The following NDST1 variants were observed in gnomAD, a reference collection of about 807,000 sequenced individuals.
The protein encoded by NDST1 is bifunctional heparan sulfate N-deacetylase/N-sulfotransferase 1.
In NDST1, 35 loss-of-function variants were observed where a neutral mutation model predicts 92.8. That is an observed-to-expected ratio of 0.38 (90% CI 0.29 to 0.50). The LOEUF (loss-of-function observed/expected upper bound fraction) is 0.50. NDST1 is among the 20% of genes least tolerant of loss of function. NDST1 has a pLI of 0.94. For missense variants in NDST1, 822 were observed against 1,182.7 expected (o/e 0.69, Z 4.47); for synonymous variants, 493 against 500.3 (o/e 0.99, Z 0.19).
At chr5:150,520,553 T>C (rs1258523790) in intron 1 of NDST1, among the ~76,000 whole-genome samples, 1 of 152,214 alleles carries the variant, frequency 6.6e-6, no homozygotes, top group Non-Finnish European at 1.5e-5. Flanking sequence ...TCTTGGACTC[T>C]GATAATGATC....
Position 150,535,810 on chromosome 5 carries a change from C to T in NDST1, c.1362C>T (p.Arg454=), listed in dbSNP as rs146104541. ...YEAWKQVWSI[R]VTSTEEYPHL... ...CTTGGAAGCAGGTGTGGAGCATCCG[C>T]GTGACCAGCACGGAGGAGTACCCCC... Residue 454 remains arginine (R), a synonymous_variant, in exon 6 of 15, where the codon CGC becomes CGT. Coordinates refer to ENST00000261797, the MANE Select transcript of NDST1 (RefSeq NM_001543.5). 56 of 1,614,170 alleles carry T rather than the reference C, an allele frequency of 3.5e-5. No homozygotes were observed. Among genetic ancestry groups the T allele is most frequent in the Non-Finnish European group, 4.5e-5 (53 of 1,180,030 alleles).
chr5:150,541,102 T>G (rs1755226103), intron 8 of NDST1, among the ~76,000 whole-genome samples: 1 of 152,312 alleles, frequency 6.6e-6, no homozygotes, highest in South Asian at 2.1e-4. Flanking sequence ...GAGACCTGTT[T>G]TTGTAAAGAA....
rs1205827592 is a variant in NDST1, at chr5:150,556,979, A to G, written c.*3647A>G. ...AGGCCTGCTGTCTTTTTGAAGCCCC[A>G]CATTCTGAATTTGTCAGATTGTTTG... On this transcript the variant is annotated 3_prime_UTR_variant, in exon 15 of 15. Transcript: ENST00000261797. The G allele has an allele frequency of 6.6e-6, 1 of 152,614 alleles. No individual in the cohort carries two copies. The highest frequency in any genetic ancestry group is 1.5e-5 in the Non-Finnish European group (1 of 68,024). 9.5% of individuals were successfully genotyped at this position (152,614 alleles called of 1,614,324 possible). A position where few individuals can be genotyped will look rare whatever the true frequency, so the allele number is the denominator to read the frequency against.
intron 1 of NDST1, among the ~76,000 whole-genome samples, chr5:150,513,707 G>C (rs1268585354): frequency 1.3e-5 from 2 of 152,188 alleles, no homozygotes; most frequent in African/African-American, 4.8e-5. Flanking sequence ...TGGAGCTCTT[G>C]GTCTCATTCC....
chr5:150,548,244 G>T lies in NDST1; in HGVS notation c.2172G>T (p.Val724=). The change falls in exon 12 of 15, where the codon GTG becomes GTT. Residue 724 remains valine, a synonymous_variant. Transcript: ENST00000261797. ...ACCAGCGAGCCCATGACGACCCAGT[G>T]GCCCTAAAGTACACCTTCCATGAGG... is the stretch of plus-strand genomic sequence containing the variant. ...YQHQRAHDDP[V]ALKYTFHEVI... is the part of the protein sequence containing the mutation. The T allele has an allele frequency of 1.2e-6, 2 of 1,614,188 alleles. No individual in the cohort carries two copies. The highest frequency in any genetic ancestry group is 1.7e-6 in the Non-Finnish European group (2 of 1,180,032).
At chr5:150,504,361 C>T (rs1355314490), upstream of NDST1, among the ~76,000 whole-genome samples, 5 of 152,224 alleles carry the variant, frequency 3.3e-5, no homozygotes, top group South Asian at 2.1e-4. Context: ...ACCAAGGTCT[C>T]ACAAGGCCGC....
At chr5:150,524,084 G>C (rs1447209869) in intron 2 of NDST1, among the ~76,000 whole-genome samples, 1 of 152,186 alleles carries the variant, frequency 6.6e-6, no homozygotes, top group East Asian at 1.9e-4. Context: ...GGATTCCCAG[G>C]GCAGTGTGAG....
chr5:150,542,500 C>A (rs1755289347), intron 9 of NDST1, among the ~76,000 whole-genome samples: 1 of 152,188 alleles, frequency 6.6e-6, no homozygotes, highest in Non-Finnish European at 1.5e-5. Flanking sequence ...CTGGAAAGGA[C>A]CAGCTCTTCT....
chr5:150,543,050 G>C (rs1305417794), intron 10 of NDST1, 79 bp downstream of exon 10: 1 of 1,569,304 alleles, frequency 6.4e-7, no homozygotes, highest in African/African-American at 1.4e-5. Flanking sequence ...GCCACAGCAG[G>C]AAGCAGCTGG....
chr5:150,509,677 A>T (rs1422164527), intron 1 of NDST1, among the ~76,000 whole-genome samples: 4 of 151,986 alleles, frequency 2.6e-5, no homozygotes, highest in African/African-American at 9.7e-5. Context: ...ACACCTGGCT[A>T]ATTTTGTATT....
At chr5:150,501,681 A>G (rs1753238776) in intron 1 of NDST1, among the ~76,000 whole-genome samples, 2 of 152,196 alleles carry the variant, frequency 1.3e-5, no homozygotes, top group South Asian at 4.1e-4. Context: ...GCTCTTTTCT[A>G]GAACTGGGAT....
At chr5:150,529,297 CAGG>C (rs1473246669) in intron 3 of NDST1, among the ~76,000 whole-genome samples, 2 of 144,720 alleles carry the variant, frequency 1.4e-5, no homozygotes, top group Middle Eastern at 7.0e-3. Context: ...GAGGCTGAGG[CAGG>C]AGGATTGCTT....
intron 8 of NDST1, among the ~76,000 whole-genome samples, chr5:150,541,099 G>A (rs1755225642): frequency 6.6e-6 from 1 of 152,182 alleles, no homozygotes; most frequent in Non-Finnish European, 1.5e-5. Context: ...CCTGAGACCT[G>A]TTTTTGTAAA....
At chr5:150,519,923 G>T in intron 1 of NDST1, among the ~76,000 whole-genome samples, 1 of 152,128 alleles carries the variant, frequency 6.6e-6, no homozygotes, top group Non-Finnish European at 1.5e-5. Context: ...GGCTGAGGGG[G>T]AGGCTGGAAC....
At chr5:150,541,750 C>G in intron 9 of NDST1, 84 bp downstream of exon 9, 3 of 1,267,302 alleles carry the variant, frequency 2.4e-6, no homozygotes, top group Non-Finnish European at 2.3e-6. Flanking sequence ...TGCCCTGGCC[C>G]CACTCCCGGA....
chr5:150,544,521 G>A (rs568042183), intron 10 of NDST1, among the ~76,000 whole-genome samples: 5 of 152,262 alleles, frequency 3.3e-5, no homozygotes, highest in Non-Finnish European at 5.9e-5. Context: ...CCCCCAGAAC[G>A]CTCTGATGAA....
intron 8 of NDST1, among the ~76,000 whole-genome samples, chr5:150,540,609 A>C (rs1210754475): frequency 2.0e-5 from 3 of 152,164 alleles, no homozygotes; most frequent in South Asian, 2.1e-4. Flanking sequence ...TGAACCCAGG[A>C]GTTCAAGATC....
chr5:150,545,038 C>G (rs896652003), intron 10 of NDST1, among the ~76,000 whole-genome samples: 1 of 152,146 alleles, frequency 6.6e-6, no homozygotes, highest in African/African-American at 2.4e-5. Flanking sequence ...TACCCCCTCC[C>G]CATGACCTGC....
At chr5:150,542,201 C>T (rs1755275502) in intron 9 of NDST1, among the ~76,000 whole-genome samples, 1 of 152,178 alleles carries the variant, frequency 6.6e-6, no homozygotes, top group Non-Finnish European at 1.5e-5. Flanking sequence ...GAACTCTGAT[C>T]TCTGTGACCC....
Sources: gnomAD v4.1 joint callset for allele counts (sites outside exome capture counted in the v4.1 genomes callset) on GRCh38, gnomAD v4.1.1 for gene constraint, MANE v1.5 for transcripts, NCBI Gene and HGNC (gene_info 2026-07-23, HGNC 2026-07-21) for gene names.